The following PACSIN1 variants were observed in gnomAD, a reference collection of about 807,000 sequenced individuals.
PACSIN1 encodes the protein protein kinase C and casein kinase substrate in neurons protein 1.
In PACSIN1, 15 loss-of-function variants were observed where a neutral mutation model predicts 59.5. The observed-to-expected ratio is 0.25, with a 90% CI of 0.17 to 0.39. The LOEUF is 0.39. Among genes scored for constraint, PACSIN1 ranks in the 10% least tolerant of loss-of-function variants. The pLI, the probability that PACSIN1 is intolerant of heterozygous loss-of-function variation, is 1.00. For missense variants in PACSIN1, 420 were observed against 580.2 expected (o/e 0.72, Z 2.84); for synonymous variants, 210 against 220.6 (o/e 0.95, Z 0.42).
intron 1 of PACSIN1, among the ~76,000 whole-genome samples, chr6:34,504,170 C>A (rs2127259821): frequency 6.6e-6 from 1 of 151,340 alleles, no homozygotes; most frequent in South Asian, 2.1e-4. Flanking sequence ...CCTTAAGTTT[C>A]TTTACCCTCC....
chr6:34,507,688 T>C (rs190747806), intron 1 of PACSIN1, among the ~76,000 whole-genome samples: 12 of 152,284 alleles, frequency 7.9e-5, no homozygotes, highest in Admixed American at 5.9e-4. Context: ...TTTATACCCA[T>C]CGAATAGCAG....
chr6:34,532,593 G>A lies in PACSIN1; in HGVS notation c.*63G>A. On this transcript the variant is annotated 3_prime_UTR_variant, in exon 10 of 10. Transcript: ENST00000244458. This position sits in a 1 kb window ranked among gnomAD's most constrained non-coding sequence, Gnocchi z 5.2. ...CTGCCGCCCCTCCCCTCCCACTCTCGTCTCCTTCCCCTCGCCATAGAGTTC... is the reference window on the plus strand; with the variant it reads ...CTGCCGCCCCTCCCCTCCCACTCTCATCTCCTTCCCCTCGCCATAGAGTTC... The A allele has an allele frequency of 4.6e-6, 4 of 863,814 alleles. No individual in the cohort carries two copies. The highest frequency in any genetic ancestry group is 7.3e-6 in the Non-Finnish European group (4 of 546,320). The allele number at this position is 863,814 out of a possible 1,614,324, so 53.5% of individuals were successfully genotyped here. A position where few individuals can be genotyped will look rare whatever the true frequency, so the allele number is the denominator to read the frequency against.
At chr6:34,474,873 C>T (rs1255731625) in intron 1 of PACSIN1, among the ~76,000 whole-genome samples, 3 of 151,200 alleles carry the variant, frequency 2.0e-5, no homozygotes, top group Non-Finnish European at 4.4e-5. Context: ...GACCTTCTCT[C>T]ATACATCCTA....
intron 1 of PACSIN1, among the ~76,000 whole-genome samples, chr6:34,467,688 A>G (rs1157245594): frequency 2.0e-5 from 3 of 151,318 alleles, no homozygotes; most frequent in African/African-American, 7.3e-5. Flanking sequence ...CCTCCTGAGT[A>G]GCTGGAATTA....
intron 1 of PACSIN1, among the ~76,000 whole-genome samples, chr6:34,483,152 G>C (rs573755729): frequency 6.4e-4 from 98 of 152,062 alleles, no homozygotes; most frequent in African/African-American, 2.3e-3. Context: ...CTACAGGCGT[G>C]AGCAACCACG....
chr6:34,477,391 CAAGAAAAAAAG>C (rs998610126), intron 1 of PACSIN1, among the ~76,000 whole-genome samples: 15 of 148,194 alleles, frequency 1.0e-4, no homozygotes, highest in Non-Finnish European at 2.1e-4. Context: ...AGAAAGAAAT[CAAGAAAAAAAG>C]AAGAAAGAAA....
At chr6:34,528,186 C>G (rs1385700916) in intron 3 of PACSIN1, among the ~76,000 whole-genome samples, 1 of 152,218 alleles carries the variant, frequency 6.6e-6, no homozygotes, top group African/African-American at 2.4e-5. Flanking sequence ...AGAGCTGGTG[C>G]CAGTACACAA....
At chr6:34,478,763 T>A (rs561586314) in intron 1 of PACSIN1, among the ~76,000 whole-genome samples, 3 of 152,316 alleles carry the variant, frequency 2.0e-5, no homozygotes, top group Admixed American at 2.0e-4. Flanking sequence ...TATAAACATA[T>A]ATAAAATAGG....
intron 1 of PACSIN1, among the ~76,000 whole-genome samples, chr6:34,508,733 A>T (rs915373360): frequency 6.6e-6 from 1 of 152,186 alleles, no homozygotes; most frequent in Non-Finnish European, 1.5e-5. Flanking sequence ...GTATGAGGTG[A>T]TATCTCATTG....
In PACSIN1 at chr6:34,531,292, CCCAGGAGG is replaced by C. The variant is rs1244324154; in HGVS notation, c.1038-307_1038-300del. On this transcript the variant is annotated intron_variant, in intron 8 of 9. Transcript: ENST00000244458. The surrounding 1 kb of genome is among the most constrained non-coding windows in gnomAD (Gnocchi z 4.4). ...GTAAACCTCAGAGCCAGATATGTTG[CCCAGGAGG>C]TCTGACTCCAGGATCCTTGCTCTTA... Among the ~76,000 whole-genome samples, 1 of 152,200 alleles carries C rather than the reference CCCAGGAGG, an allele frequency of 6.6e-6. No homozygotes were observed. Among genetic ancestry groups the C allele is most frequent in the Non-Finnish European group, 1.5e-5 (1 of 68,042 alleles).
At chr6:34,510,317 T>C (rs1006723114) in intron 1 of PACSIN1, among the ~76,000 whole-genome samples, 28 of 152,240 alleles carry the variant, frequency 1.8e-4, no homozygotes, top group African/African-American at 6.5e-4. Flanking sequence ...CTCCCCGTGC[T>C]AAAAAATACC....
chr6:34,481,490 G>A (rs184898713), intron 1 of PACSIN1, among the ~76,000 whole-genome samples: 20 of 151,788 alleles, frequency 1.3e-4, no homozygotes, highest in Middle Eastern at 3.4e-3. Flanking sequence ...AGACAACAAT[G>A]AAACCCATCT....
In PACSIN1 at chr6:34,518,353, G is replaced by A. The variant is rs924248104; in HGVS notation, c.-63-7890G>A. 5.9e-5 allele frequency among the ~76,000 whole-genome samples: 9 copies of A among 152,208 alleles called. No individual in the cohort carries two copies. Among genetic ancestry groups the A allele is most frequent in the Admixed American group, 2.6e-4 (4 of 15,280 alleles). On this transcript the variant is annotated intron_variant, in intron 1 of 9. Coordinates refer to ENST00000244458, the MANE Select transcript of PACSIN1 (RefSeq NM_020804.5). This position sits in a 1 kb window ranked among gnomAD's most constrained non-coding sequence, Gnocchi z 4.4. ...GGCAGTGGGCTCAGGACAGACAGAC[G>A]GACCCCTGCAGAGTGGCCAAGTGTG... is the stretch of plus-strand genomic sequence containing the variant.
chr6:34,487,238 C>A (rs141553692), intron 1 of PACSIN1, among the ~76,000 whole-genome samples: 1 of 152,140 alleles, frequency 6.6e-6, no homozygotes, highest in African/African-American at 2.4e-5. Context: ...AGCCACTACA[C>A]AGAACAAGAT....
chr6:34,532,378 G>A lies in PACSIN1; in HGVS notation c.1226-43G>A, dbSNP rs998871989. ...CTAGCAGCCGGTGCGTTGAGGGAGGGGCAGCCTTCTCTCTGAGCCCCTCCC... is the reference window on the plus strand; with the variant it reads ...CTAGCAGCCGGTGCGTTGAGGGAGGAGCAGCCTTCTCTCTGAGCCCCTCCC... On this transcript the variant is annotated intron_variant, in intron 9 of 9. Transcript: ENST00000244458. The surrounding 1 kb of genome is among the most constrained non-coding windows in gnomAD (Gnocchi z 5.2). The A allele has an allele frequency of 2.2e-6, 3 of 1,348,564 alleles. No homozygotes were observed. Among genetic ancestry groups the A allele is most frequent in the African/African-American group, 1.4e-5 (1 of 68,986 alleles). 83.5% of individuals were successfully genotyped at this position (1,348,564 alleles called of 1,614,324 possible). A position where few individuals can be genotyped will look rare whatever the true frequency, so the allele number is the denominator to read the frequency against.
chr6:34,470,031 G>T (rs1766549670), intron 1 of PACSIN1, among the ~76,000 whole-genome samples: 1 of 152,124 alleles, frequency 6.6e-6, no homozygotes, highest in Non-Finnish European at 1.5e-5. Flanking sequence ...CAGGGGCAGG[G>T]TGGCCTGGAG....
At chr6:34,467,231 G>A (rs1408707782) in intron 1 of PACSIN1, among the ~76,000 whole-genome samples, 3 of 152,178 alleles carry the variant, frequency 2.0e-5, no homozygotes, top group Admixed American at 6.5e-5. Context: ...GATACCCCAG[G>A]TGAGATCCTT....
At position 34,487,289 on chromosome 6, in the gene PACSIN1, C is replaced by T. The variant is rs77769991; in HGVS notation, c.-64+21019C>T. ...CATCCTGGAAGGTTCCCTCCTGCTC[C>T]TTCCCAGTTAATGTCTGCCCCTGGT... On this transcript the variant is annotated intron_variant, in intron 1 of 9. Transcript: ENST00000244458. Among the ~76,000 whole-genome samples the T allele has an allele frequency of 6.3e-3, 956 of 152,318 alleles. 11 individuals carry two copies. Among genetic ancestry groups the T allele is most frequent in the African/African-American group, 0.021 (890 of 41,560 alleles).
chr6:34,467,398 G>C (rs1209608387), intron 1 of PACSIN1, among the ~76,000 whole-genome samples: 1 of 152,182 alleles, frequency 6.6e-6, no homozygotes, highest in Non-Finnish European at 1.5e-5. Context: ...ATATCTTGTG[G>C]AATGCATGAC....
Sources: gnomAD v4.1 joint callset for allele counts (sites outside exome capture counted in the v4.1 genomes callset) on GRCh38, gnomAD v4.1.1 for gene constraint, Gnocchi (gnomAD v3.1) non-coding constraint, MANE v1.5 for transcripts, NCBI Gene and HGNC (gene_info 2026-07-23, HGNC 2026-07-21) for gene names.